Variants in HCRTR2 observed in about 807,000 individuals in gnomAD.
The protein encoded by HCRTR2 is orexin receptor type 2.
HCRTR2 carries 22 observed loss-of-function variants against 49.0 expected under a neutral mutation model. The observed-to-expected ratio is 0.45, with a 90% confidence interval of 0.32 to 0.64. The LOEUF (loss-of-function observed/expected upper bound fraction) is 0.64. Among genes scored for constraint, HCRTR2 ranks in the 30% least tolerant of loss-of-function variants. HCRTR2 has a pLI of 0.04. For missense variants in HCRTR2, 491 were observed against 559.4 expected (o/e 0.88, Z 1.23); for synonymous variants, 236 against 205.3 (o/e 1.15, Z -1.28).
At chr6:55,272,525 G>A (rs537826881) in intron 4 of HCRTR2, among the ~76,000 whole-genome samples, 8 of 151,518 alleles carry the variant, frequency 5.3e-5, no homozygotes, top group East Asian at 1.9e-4. Flanking sequence ...GAATTATATC[G>A]CAATAAAATG....
At chr6:55,208,504 TAA>T (rs527251037) in intron 1 of HCRTR2, among the ~76,000 whole-genome samples, 24 of 137,680 alleles carry the variant, frequency 1.7e-4, no homozygotes, top group Non-Finnish European at 2.7e-4. Context: ...AAAATAAAAA[TAA>T]AAAAAAAAAG....
At chr6:55,161,806 A>G (rs533813179) in intron 1 of HCRTR2, among the ~76,000 whole-genome samples, 1 of 152,184 alleles carries the variant, frequency 6.6e-6, no homozygotes. Context: ...CCCTGAACAG[A>G]CCAATAACAA....
At position 55,130,664 on chromosome 6, in the gene HCRTR2, A is replaced by G. The variant is rs1277433816; in HGVS notation, c.-378+24119A>G. Among the ~76,000 whole-genome samples, 8 of 151,808 alleles carry G rather than the reference A, an allele frequency of 5.3e-5. No homozygotes were observed. In the East Asian group the frequency reaches 1.3e-3, roughly 26 times the overall value. ...AGGGTAAAGGCAAATATTCTTAACA[A>G]AGCACATAGAACCTGGCCTTGGCCT... On this transcript the variant is annotated intron_variant, in intron 1 of 7. Transcript: ENST00000615358.
Position 55,174,543 on chromosome 6 carries a change from G to A in HCRTR2, c.-45G>A. The A allele has an allele frequency of 1.3e-6, 2 of 1,493,980 alleles. No individual in the cohort carries two copies. The highest frequency in any genetic ancestry group is 1.4e-5 in the African/African-American group (1 of 72,518). 92.5% of individuals were successfully genotyped at this position (1,493,980 alleles called of 1,614,324 possible). A position where few individuals can be genotyped will look rare whatever the true frequency, so the allele number is the denominator to read the frequency against. On this transcript the variant is annotated 5_prime_UTR_variant, in exon 1 of 7. Coordinates refer to ENST00000370862, the MANE Select transcript of HCRTR2 (RefSeq NM_001384272.1). ...AATCACCAGTGCTCATGGGGCAGGC[G>A]GAGAGGAGCTTGCAGCATTGAGCGG...
intron 1 of HCRTR2, among the ~76,000 whole-genome samples, chr6:55,180,967 T>C (rs1447662534): frequency 7.2e-6 from 1 of 139,640 alleles, no homozygotes; most frequent in Non-Finnish European, 1.6e-5. Flanking sequence ...GCCCAGCTAT[T>C]TTTTTTTTTT....
chr6:55,240,554 G>T (rs1766308040), intron 1 of HCRTR2, among the ~76,000 whole-genome samples: 1 of 152,016 alleles, frequency 6.6e-6, no homozygotes, highest in African/African-American at 2.4e-5. Context: ...AGGTGTGTAG[G>T]TGGAGAATGG....
rs1246094204 is a variant in HCRTR2 at position 55,151,199 on chromosome 6, C to G, written c.-377-23012C>G. Among the ~76,000 whole-genome samples, 9 of 152,028 alleles carry G rather than the reference C, an allele frequency of 5.9e-5. No homozygotes were observed. In the South Asian group the frequency reaches 1.7e-3, roughly 28 times the overall value. On this transcript the variant is annotated intron_variant, in intron 1 of 7. Coordinates refer to the HCRTR2 transcript ENST00000615358. The stretch of plus-strand genomic sequence containing the variant: ...GTGGTAATTTCTTAAAATAAGACAG[C>G]AACGAAGCTAGCCACATCGATTGAC...
intron 1 of HCRTR2, among the ~76,000 whole-genome samples, chr6:55,192,088 CTT>C (rs1394190594): frequency 6.6e-6 from 1 of 151,834 alleles, no homozygotes; most frequent in African/African-American, 2.4e-5. Context: ...GCAAATATAT[CTT>C]ATATATACAT....
intron 1 of HCRTR2, among the ~76,000 whole-genome samples, chr6:55,226,711 G>GTTTTTTTTTTTTTTTTTTTTTTTTTT (rs777871106): frequency 5.4e-5 from 4 of 74,254 alleles, no homozygotes; most frequent in African/African-American, 2.4e-4. Flanking sequence ...AATTCCAGGT[G>GTTTTTTTTTTTTTTTTTTTTTTTTTT]TTTTTTTTTT....
At chr6:55,225,653 A>C (rs1765990241) in intron 1 of HCRTR2, among the ~76,000 whole-genome samples, 2 of 152,256 alleles carry the variant, frequency 1.3e-5, no homozygotes, top group African/African-American at 4.8e-5. Context: ...ATGCTAATGC[A>C]GTGTACTATA....
chr6:55,251,722 G>A (rs987770466), intron 2 of HCRTR2, among the ~76,000 whole-genome samples: 3 of 151,976 alleles, frequency 2.0e-5, no homozygotes, highest in African/African-American at 7.2e-5. Flanking sequence ...GAATCTTTAA[G>A]ATACCTTTGC....
chr6:55,270,404 T>A lies in HCRTR2; in HGVS notation c.762+6582T>A, dbSNP rs189935687. Among the ~76,000 whole-genome samples, 20 of 152,314 alleles carry A rather than the reference T, an allele frequency of 1.3e-4. No homozygotes were observed. In the East Asian group the frequency reaches 3.7e-3, roughly 28 times the overall value. On this transcript the variant is annotated intron_variant, in intron 4 of 6. Coordinates refer to ENST00000370862, the MANE Select transcript of HCRTR2 (RefSeq NM_001384272.1). ...GAACTATTTCCATTCAAGCAACATA[T>A]AGTCCATTTCTGTAACATTTTGTTC...
chr6:55,216,948 A>G (rs1164492341), intron 1 of HCRTR2, among the ~76,000 whole-genome samples: 6 of 151,926 alleles, frequency 3.9e-5, no homozygotes, highest in Admixed American at 3.9e-4. Context: ...TGGCCCTACA[A>G]CTCTTGCATT....
At chr6:55,226,873 C>A (rs909299295) in intron 1 of HCRTR2, among the ~76,000 whole-genome samples, 13 of 151,866 alleles carry the variant, frequency 8.6e-5, no homozygotes, top group African/African-American at 3.1e-4. Flanking sequence ...TGCCCGCCAC[C>A]ACGCCCGGCT....
intron 1 of HCRTR2, among the ~76,000 whole-genome samples, chr6:55,107,889 G>C (rs149988013): frequency 2.3e-4 from 35 of 152,058 alleles, no homozygotes; most frequent in African/African-American, 8.2e-4. Flanking sequence ...TACTTCATGG[G>C]TGTTTCTAAA....
intron 1 of HCRTR2, among the ~76,000 whole-genome samples, chr6:55,138,969 A>G (rs1764470712): frequency 6.6e-6 from 1 of 152,206 alleles, no homozygotes; most frequent in Non-Finnish European, 1.5e-5. Context: ...GCCCTCTCTG[A>G]GGAGTTGGTA....
rs1361042476 is a variant in HCRTR2 at position 55,155,652 on chromosome 6, G to A, written c.-377-18559G>A. ...ATTCATCATAGAGGTTTGTGGAGGC[G>A]GTAGTTAGACATTTTCTACATGCAT... On this transcript the variant is annotated intron_variant, in intron 1 of 7. Coordinates refer to the HCRTR2 transcript ENST00000615358. Among the ~76,000 whole-genome samples the A allele has an allele frequency of 3.3e-5, 5 of 151,794 alleles. No homozygotes were observed. The South Asian group carries it at 6.2e-4, about 19-fold the overall frequency.
intron 1 of HCRTR2, among the ~76,000 whole-genome samples, chr6:55,110,158 A>G (rs572498807): frequency 9.9e-5 from 15 of 152,268 alleles, no homozygotes; most frequent in African/African-American, 3.6e-4. Context: ...TTTCCAGACT[A>G]ATAAATGCTG....
chr6:55,245,084 T>A (rs1309816985), intron 1 of HCRTR2, among the ~76,000 whole-genome samples: 1 of 151,908 alleles, frequency 6.6e-6, no homozygotes, highest in African/African-American at 2.4e-5. Flanking sequence ...ATAGCATAAT[T>A]TGAAGTCAGT....
Sources: allele counts gnomAD v4.1 joint callset (sites outside exome capture counted in the v4.1 genomes callset), GRCh38; gene constraint gnomAD v4.1.1; transcripts MANE v1.5; gene names NCBI Gene and HGNC (gene_info 2026-07-23, HGNC 2026-07-21).